MYH10: variants seen among roughly 807,000 people sequenced by gnomAD.
MYH10 encodes myosin heavy chain 10.
Under a neutral mutation model 257.8 loss-of-function variants are expected in MYH10, and 55 were observed. That is an observed-to-expected ratio of 0.21 (90% confidence interval 0.17 to 0.27). The LOEUF (loss-of-function observed/expected upper bound fraction) is 0.27. Ranked by LOEUF, MYH10 falls within the 10% of genes least tolerant of loss-of-function variation. The pLI, the probability that MYH10 is intolerant of heterozygous loss-of-function variation, is 1.00. For missense variants in MYH10, 1,631 were observed against 2,500.6 expected (o/e 0.65, Z 7.42); for synonymous variants, 854 against 921.7 (o/e 0.93, Z 1.33).
chr17:8,561,257 C>T (rs377579758), intron 7 of MYH10: 47 of 952,334 alleles, frequency 4.9e-5, no homozygotes, highest in African/African-American at 2.1e-4. Flanking sequence ...GAACAAAGGT[C>T]GTGCTGAAAA....
rs1344006495 is a variant in MYH10 at position 8,492,871 on chromosome 17, G to A, written c.4363C>T (p.Arg1455Cys). The A allele has an allele frequency of 3.1e-6, 5 of 1,613,906 alleles. No individual in the cohort carries two copies. Among genetic ancestry groups the A allele is most frequent in the Non-Finnish European group, 4.2e-6 (5 of 1,180,010 alleles). ...AGGTCGTCCAGCTCCTGCTGCAGGC[G>A]GTTCTTGGTCTTCTCCAGTTTGTCA... The part of the protein sequence containing the change: ...AYDKLEKTKN[R>C]LQQELDDLTV... Residue 1455 changes from arginine (R) to cysteine (C), a missense_variant, in exon 33 of 43, where the codon CGC becomes TGC. By Grantham distance (180) the Arg-to-Cys change is radical (BLOSUM62 -3). Transcript: ENST00000360416.
Position 8,513,545 on chromosome 17 carries a change from T to C in MYH10, c.2738A>G (p.His913Arg). 1 of 1,614,062 alleles carries C rather than the reference T, an allele frequency of 6.2e-7. No individual in the cohort carries two copies. Among genetic ancestry groups the C allele is most frequent in the Non-Finnish European group, 8.5e-7 (1 of 1,179,942 alleles). Residue 913 changes from histidine to arginine, a missense_variant, in exon 23 of 43, where the codon CAC becomes CGC. By Grantham distance (29) the His-to-Arg change is conservative. Transcript: ENST00000360416. ...EGELEEMERK[H>R]QQLLEEKNIL... ...CAAGGTCACTGCACACACCTGCTGGTGCTTCCGCTCCATCTCCTCCAGCTC... is the reference window on the plus strand; with the variant it reads ...CAAGGTCACTGCACACACCTGCTGGCGCTTCCGCTCCATCTCCTCCAGCTC...
chr17:8,579,286 A>G (rs956430737), intron 4 of MYH10, among the ~76,000 whole-genome samples: 17 of 152,164 alleles, frequency 1.1e-4, no homozygotes, highest in African/African-American at 3.6e-4. Flanking sequence ...CTAAAAAAAA[A>G]AAAAAAATTG....
intron 6 of MYH10, among the ~76,000 whole-genome samples, chr17:8,573,536 T>C (rs562700671): frequency 6.6e-6 from 1 of 152,302 alleles, no homozygotes; most frequent in South Asian, 2.1e-4. Flanking sequence ...AAGAACTTAA[T>C]CGATTATTTT....
intron 36 of MYH10, among the ~76,000 whole-genome samples, chr17:8,486,579 A>AT (rs200318647): frequency 2.2e-5 from 3 of 139,178 alleles, no homozygotes; most frequent in African/African-American, 8.3e-5. Flanking sequence ...AAAAAAAAAA[A>AT]ATGGAAACAA....
intron 17 of MYH10, among the ~76,000 whole-genome samples, chr17:8,524,862 T>C (rs4791716): frequency 0.96 from 146,697 of 152,328 alleles, 70,892 homozygotes; most frequent in East Asian, 1. Context: ...TAGTACAGCA[T>C]AGCAATGGCC....
Position 8,474,354 on chromosome 17 carries a change from A to G in MYH10, c.*1450T>C, listed in dbSNP as rs1399460626. ...TCATTGTCTAGAAATATGGGAATAC[A>G]AGAAAAGATATTTGCGGTCAGGTGT... On this transcript the variant is annotated 3_prime_UTR_variant, in exon 43 of 43. Coordinates refer to ENST00000360416, the MANE Select transcript of MYH10 (RefSeq NM_001256012.3). The G allele has an allele frequency of 2.0e-5, 3 of 152,624 alleles. No homozygotes were observed. The highest frequency in any genetic ancestry group is 4.4e-5 in the Non-Finnish European group (3 of 68,044). The allele number at this position is 152,624 out of a possible 1,614,324, so 9.5% of individuals were successfully genotyped here.
intron 10 of MYH10, 61 bp downstream of exon 10, chr17:8,548,583 T>C: frequency 4.5e-6 from 7 of 1,560,536 alleles, no homozygotes; most frequent in Non-Finnish European, 4.4e-6. Context: ...TTAGGTGATT[T>C]ACCCCAGATG....
At chr17:8,501,892 A>G (rs558229565) in intron 28 of MYH10, among the ~76,000 whole-genome samples, 1 of 152,326 alleles carries the variant, frequency 6.6e-6, no homozygotes, top group East Asian at 1.9e-4. Flanking sequence ...AACTTGAATA[A>G]CCAGAGTTAT....
chr17:8,510,144 T>C (rs572774165), intron 24 of MYH10, among the ~76,000 whole-genome samples, 195 bp from the exon 25 acceptor site: 1 of 151,072 alleles, frequency 6.6e-6, no homozygotes, highest in African/African-American at 2.4e-5. Context: ...GTTCACGCCA[T>C]TCTCCTGCCT....
At chr17:8,615,977 C>A (rs2085246391) in intron 2 of MYH10, among the ~76,000 whole-genome samples, 1 of 152,166 alleles carries the variant, frequency 6.6e-6, no homozygotes, top group Non-Finnish European at 1.5e-5. Flanking sequence ...TGCAATAAAG[C>A]AAGTAAAAGA....
rs1221133441 is a variant in MYH10, at chr17:8,545,207, A to C, written c.1431+241T>G. Among the ~76,000 whole-genome samples, 1 of 152,242 alleles carries C rather than the reference A, an allele frequency of 6.6e-6. No individual in the cohort carries two copies. The highest frequency in any genetic ancestry group is 1.9e-4 in the East Asian group (1 of 5,202). The stretch of plus-strand genomic sequence containing the variant: ...TAAGCCTAACTGTTGCCAATGCAGA[A>C]GCAACCTTCCCTGAACAGCTATCTC... On this transcript the variant is annotated intron_variant, in intron 13 of 42. Transcript: ENST00000360416. This position sits in a 1 kb window ranked among gnomAD's most constrained non-coding sequence, Gnocchi z 4.7.
Position 8,506,398 on chromosome 17 carries a change from G to A in MYH10, c.3306C>T (p.Ile1102=), listed in dbSNP as rs1567814633. 6 of 1,611,888 alleles carry A rather than the reference G, an allele frequency of 3.7e-6. No homozygotes were observed. Among genetic ancestry groups the A allele is most frequent in the Middle Eastern group, 1.6e-4 (1 of 6,072 alleles). The change falls in exon 27 of 43, where the codon ATC becomes ATT. Residue 1102 remains isoleucine, a synonymous_variant. Coordinates refer to ENST00000360416, the MANE Select transcript of MYH10 (RefSeq NM_001256012.3). This position sits in a 1 kb window ranked among gnomAD's most constrained non-coding sequence, Gnocchi z 5.0. Reference sequence around the variant, plus strand: ...CATCAATCTGCGCCTGCAGCTCTGCGATCTGGTCCTGCAGGTCGGTCGTCT... The same window carrying A: ...CATCAATCTGCGCCTGCAGCTCTGCAATCTGGTCCTGCAGGTCGGTCGTCT... The part of the protein sequence containing the change: ...DGETTDLQDQ[I]AELQAQIDEL...
chr17:8,511,426 AAG>A (rs2081290657), intron 24 of MYH10, among the ~76,000 whole-genome samples: 3 of 152,192 alleles, frequency 2.0e-5, no homozygotes, highest in African/African-American at 7.2e-5. Flanking sequence ...AGGCTGAGGC[AAG>A]GGAATCACTT....
rs2083258358 is a variant in MYH10 at position 8,569,198 on chromosome 17, G to T, written c.756+522C>A. Among the ~76,000 whole-genome samples, 1 of 145,690 alleles carries T rather than the reference G, an allele frequency of 6.9e-6. No homozygotes were observed. Among genetic ancestry groups the T allele is most frequent in the African/African-American group, 2.5e-5 (1 of 39,372 alleles). ...GACTGTGCCACTGCACTCCAGGCTG[G>T]GTGACAGAGCAAGACCCTGTCTCAA... On this transcript the variant is annotated intron_variant, in intron 7 of 42. Transcript: ENST00000360416. This position sits in a 1 kb window ranked among gnomAD's most constrained non-coding sequence, Gnocchi z 4.1.
At chr17:8,498,278 G>A (rs12948554) in intron 30 of MYH10, among the ~76,000 whole-genome samples, 140,659 of 152,024 alleles carry the variant, frequency 0.93, 66,037 homozygotes, top group East Asian at 1. Context: ...GAGCTACCAC[G>A]CCCGGCCCCA....
At chr17:8,581,309 G>A (rs1295378153) in intron 4 of MYH10, among the ~76,000 whole-genome samples, 1 of 152,110 alleles carries the variant, frequency 6.6e-6, no homozygotes, top group Non-Finnish European at 1.5e-5. Flanking sequence ...TCGTGATGTT[G>A]GTTGTTGGTT....
rs1465793066 is a variant in MYH10 at position 8,508,627 on chromosome 17, A to G, written c.3141T>C (p.Ala1047=). The G allele has an allele frequency of 6.2e-7, 1 of 1,614,020 alleles. No individual in the cohort carries two copies. Among genetic ancestry groups the G allele is most frequent in the South Asian group, 1.1e-5 (1 of 91,082 alleles). Reference sequence around the variant, plus strand: ...AGTTTTTCGCCTTTTCTTCCTCTTCAGCCAGCTGAGAGGAACACTCAGCAA... The same window carrying G: ...AGTTTTTCGCCTTTTCTTCCTCTTCGGCCAGCTGAGAGGAACACTCAGCAA... The part of the protein sequence containing the change: ...DRIAECSSQL[A]EEEEKAKNLA... Residue 1047 remains alanine (A), a synonymous_variant, in exon 26 of 43, where the codon GCT becomes GCC. Transcript: ENST00000360416.
In MYH10 at chr17:8,569,957, G is replaced by A; in HGVS notation, c.664-145C>T. On this transcript the variant is annotated intron_variant, in intron 6 of 42. Coordinates refer to ENST00000360416, the MANE Select transcript of MYH10 (RefSeq NM_001256012.3). This position sits in a 1 kb window ranked among gnomAD's most constrained non-coding sequence, Gnocchi z 4.1. ...TTCTGTCTGCCATCCAGCAACTTTT[G>A]TTGGCTTCTTAATCCTGGTTATGAT... The A allele has an allele frequency of 1.7e-6, 1 of 583,082 alleles. No individual in the cohort carries two copies. The highest frequency in any genetic ancestry group is 2.9e-6 in the Non-Finnish European group (1 of 348,546). 36.1% of individuals were successfully genotyped at this position (583,082 alleles called of 1,614,324 possible). A position where few individuals can be genotyped will look rare whatever the true frequency, so the allele number is the denominator to read the frequency against.
Sources: gnomAD v4.1 joint callset for allele counts (sites outside exome capture counted in the v4.1 genomes callset) on GRCh38, gnomAD v4.1.1 for gene constraint, Gnocchi (gnomAD v3.1) non-coding constraint, MANE v1.5 for transcripts, NCBI Gene and HGNC (gene_info 2026-07-23, HGNC 2026-07-21) for gene names.